The following OGG1 variants were observed in gnomAD, a reference collection of about 807,000 sequenced individuals.
OGG1 encodes the protein N-glycosylase/DNA lyase.
Under a neutral mutation model 42.3 loss-of-function variants are expected in OGG1, and 35 were observed. The ratio of observed to expected loss-of-function variants is 0.83; its 90% CI spans 0.63 to 1.10. OGG1 has a LOEUF of 1.10. Ranked by LOEUF, OGG1 falls within the 50% of genes least tolerant of loss-of-function variation. The pLI is 0.00. For missense variants in OGG1, 484 were observed against 446.7 expected (o/e 1.08, Z -0.75); for synonymous variants, 189 against 179.0 (o/e 1.06, Z -0.44).
At chr3:9,751,982 C>T in intron 3 of OGG1, 33 bp downstream of exon 3, 1 of 1,600,658 alleles carries the variant, frequency 6.2e-7, no homozygotes, top group Non-Finnish European at 8.6e-7. Flanking sequence ...CCCAGGCCTT[C>T]CATCAGCTTT....
At chr3:9,778,962 C>T (rs1342007747) in intron 2 of OGG1, among the ~76,000 whole-genome samples, 1 of 152,176 alleles carries the variant, frequency 6.6e-6, no homozygotes, top group East Asian at 1.9e-4. Flanking sequence ...CTTACCCTCC[C>T]TTCTCTCCTG....
intron 3 of OGG1, chr3:9,787,108 A>G: frequency 6.2e-7 from 1 of 1,614,226 alleles, no homozygotes. Flanking sequence ...GGGCATCCAC[A>G]TCTAAGCGGG....
intron 3 of OGG1, 99 bp from the exon 4 acceptor site, chr3:9,754,605 G>A (rs1196041573): frequency 1.5e-6 from 2 of 1,355,784 alleles, no homozygotes; most frequent in East Asian, 4.9e-5. Context: ...GGGGAACTTA[G>A]GAAAAGCACT....
At chr3:9,753,282 T>C (rs1489047648) in intron 3 of OGG1, among the ~76,000 whole-genome samples, 1 of 149,490 alleles carries the variant, frequency 6.7e-6, no homozygotes, top group Non-Finnish European at 1.5e-5. Context: ...AAGCAGAGGT[T>C]GCAGTGAGCT....
At chr3:9,780,772 T>C (rs908804091) in intron 2 of OGG1, among the ~76,000 whole-genome samples, 3 of 152,134 alleles carry the variant, frequency 2.0e-5, no homozygotes, top group African/African-American at 7.2e-5. Context: ...TGTGCACATG[T>C]GGGGACAGGG....
chr3:9,759,658 G>A (rs1307651028), downstream of OGG1: 3 of 1,614,226 alleles, frequency 1.9e-6, no homozygotes, highest in Admixed American at 1.7e-5. Flanking sequence ...CTCACAGGTT[G>A]TGTGAATTCT....
intron 3 of OGG1, 30 bp from the exon 4 acceptor site, chr3:9,754,674 G>A (rs1691180899): frequency 6.2e-7 from 1 of 1,611,500 alleles, no homozygotes; most frequent in Admixed American, 1.7e-5. Flanking sequence ...GAAGATGCCT[G>A]ATGCTTGCCC....
chr3:9,774,349 C>T (rs1220419552), intron 2 of OGG1, among the ~76,000 whole-genome samples: 4 of 142,910 alleles, frequency 2.8e-5, no homozygotes, highest in Admixed American at 1.5e-4. Context: ...GCGGAGACTG[C>T]ATTGAGCTGA....
At chr3:9,762,881 T>C (rs1264350932) in intron 7 of OGG1, 1 of 1,610,834 alleles carries the variant, frequency 6.2e-7, no homozygotes, top group South Asian at 1.1e-5. Flanking sequence ...CACCCCTGGG[T>C]ACCCTAGCTC....
chr3:9,782,075 C>T (rs1199703943), intron 3 of OGG1, among the ~76,000 whole-genome samples: 2 of 152,070 alleles, frequency 1.3e-5, no homozygotes, highest in African/African-American at 2.4e-5. Context: ...TGAGCTCAAA[C>T]AAGCCTCCCA....
chr3:9,781,837 T>G (rs1425073895), intron 3 of OGG1, among the ~76,000 whole-genome samples: 11 of 90,416 alleles, frequency 1.2e-4, no homozygotes, highest in East Asian at 8.2e-4. Context: ...TTACTTCTTT[T>G]TTTTTTTTTT....
At chr3:9,785,969 C>CT (rs1181760684) in intron 3 of OGG1, among the ~76,000 whole-genome samples, 17 of 151,474 alleles carry the variant, frequency 1.1e-4, no homozygotes, top group African/African-American at 4.1e-4. Flanking sequence ...TGGAGTCTCA[C>CT]TTTGTCACCC....
intron 3 of OGG1, among the ~76,000 whole-genome samples, chr3:9,786,254 T>C (rs1230476928): frequency 6.6e-6 from 1 of 152,202 alleles, no homozygotes; most frequent in Non-Finnish European, 1.5e-5. Flanking sequence ...GCTCTTATTC[T>C]GTGGGACTGG....
chr3:9,761,461 A>G (rs1487340864), downstream of OGG1: 3 of 1,609,648 alleles, frequency 1.9e-6, no homozygotes, highest in East Asian at 4.5e-5. Flanking sequence ...CCCCACTTAC[A>G]AGATGTAGGC....
intron 3 of OGG1, chr3:9,783,914 G>A: frequency 7.0e-7 from 1 of 1,421,728 alleles, no homozygotes; most frequent in South Asian, 1.5e-5. Flanking sequence ...CTCTCCAGGT[G>A]ATTTAGAGGC....
In OGG1 at chr3:9,756,827, C is replaced by G. The variant is rs764672668; in HGVS notation, c.948+11C>G. The G allele has an allele frequency of 6.2e-7, 1 of 1,613,600 alleles. No homozygotes were observed. Among genetic ancestry groups the G allele is most frequent in the African/African-American group, 1.3e-5 (1 of 74,864 alleles). On this transcript the variant is annotated intron_variant, in intron 6 of 6. Transcript: ENST00000344629. The stretch of plus-strand genomic sequence containing the variant: ...GGCTGGGCCCAAGCGGTGAGTGTAC[C>G]TAGGTGTCCTCCCTAGGTTTCCTCT...
intron 7 of OGG1, among the ~76,000 whole-genome samples, chr3:9,762,731 C>T (rs1028295614): frequency 3.3e-5 from 5 of 151,988 alleles, no homozygotes; most frequent in African/African-American, 1.2e-4. Flanking sequence ...ACAATTCACT[C>T]GTGTTCCTTT....
Position 9,753,423 on chromosome 3 carries a change from C to T in OGG1, c.566-1281C>T, listed in dbSNP as rs1225364000. ...ATCCCAGCATTTTGGGAGGCCGAGGCGGGTGGATCACGAGGTCAGGAGATC... is the reference window on the plus strand; with the variant it reads ...ATCCCAGCATTTTGGGAGGCCGAGGTGGGTGGATCACGAGGTCAGGAGATC... On this transcript the variant is annotated intron_variant, in intron 3 of 6. Coordinates refer to ENST00000344629, the MANE Select transcript of OGG1 (RefSeq NM_002542.6). Among the ~76,000 whole-genome samples, 3 of 151,328 alleles carry T rather than the reference C, an allele frequency of 2.0e-5. No homozygotes were observed. The East Asian group carries it at 5.8e-4, about 29-fold the overall frequency.
At chr3:9,787,132 G>A in intron 3 of OGG1, 1 of 1,614,158 alleles carries the variant, frequency 6.2e-7, no homozygotes, top group Non-Finnish European at 8.5e-7. Context: ...AGGAAAGGAG[G>A]GGAGGTGGGC....
Sources: gnomAD v4.1 joint callset for allele counts (sites outside exome capture counted in the v4.1 genomes callset) on GRCh38, gnomAD v4.1.1 for gene constraint, MANE v1.5 for transcripts, NCBI Gene and HGNC (gene_info 2026-07-23, HGNC 2026-07-21) for gene names.